Variants in CSGALNACT1 observed in about 807,000 individuals in gnomAD.
The protein encoded by CSGALNACT1 is chondroitin sulfate N-acetylgalactosaminyltransferase 1.
CSGALNACT1 carries 52 observed loss-of-function variants against 51.0 expected under a neutral mutation model. The ratio of observed to expected loss-of-function variants is 1.02; its 90% CI spans 0.82 to 1.29. The LOEUF (loss-of-function observed/expected upper bound fraction) is 1.29. CSGALNACT1 is among the 50% of genes most tolerant of loss of function. The pLI is 0.00. For synonymous variants in CSGALNACT1, 341 were observed against 254.4 expected (o/e 1.34, Z -3.24); for missense variants, 935 against 679.2 (o/e 1.38, Z -4.19).
At chr8:19,622,113 G>A (rs566112897) in intron 1 of CSGALNACT1, among the ~76,000 whole-genome samples, 12 of 152,240 alleles carry the variant, frequency 7.9e-5, no homozygotes, top group East Asian at 1.9e-4. Context: ...AGTGGAACAC[G>A]GTTATGTAAT....
chr8:19,428,145 T>C (rs185340333), intron 6 of CSGALNACT1, among the ~76,000 whole-genome samples: 7 of 152,212 alleles, frequency 4.6e-5, no homozygotes, highest in Non-Finnish European at 1.0e-4. Context: ...TCCCAGCTCC[T>C]GTCTTGCCCT....
At chr8:19,691,997 A>T (rs1020355700) in intron 1 of CSGALNACT1, among the ~76,000 whole-genome samples, 3 of 152,216 alleles carry the variant, frequency 2.0e-5, no homozygotes, top group Non-Finnish European at 2.9e-5. Flanking sequence ...GGAAGCTTAG[A>T]ATCATGGCAG....
chr8:19,502,445 T>C (rs2076580998), intron 4 of CSGALNACT1, among the ~76,000 whole-genome samples: 1 of 152,216 alleles, frequency 6.6e-6, no homozygotes, highest in Admixed American at 6.5e-5. Context: ...TAGCCTGAAG[T>C]GTTACATAAC....
At chr8:19,467,389 G>A (rs917117987) in intron 4 of CSGALNACT1, among the ~76,000 whole-genome samples, 6 of 151,962 alleles carry the variant, frequency 3.9e-5, no homozygotes, top group African/African-American at 1.2e-4. Context: ...CCAAAGTGCT[G>A]GGATTACAGG....
intron 1 of CSGALNACT1, among the ~76,000 whole-genome samples, chr8:19,651,935 G>C (rs779134868): frequency 7.5e-5 from 10 of 132,540 alleles, no homozygotes; most frequent in Admixed American, 7.5e-5. Flanking sequence ...GTTTTGTTTT[G>C]TTTTGACTTT....
chr8:19,491,541 C>T (rs1027222264), intron 4 of CSGALNACT1, among the ~76,000 whole-genome samples: 4 of 152,068 alleles, frequency 2.6e-5, no homozygotes, highest in Non-Finnish European at 5.9e-5. Flanking sequence ...TGTGAAAATT[C>T]GTATTTTACA....
chr8:19,467,654 T>C (rs1228497767), intron 4 of CSGALNACT1, among the ~76,000 whole-genome samples: 1 of 151,988 alleles, frequency 6.6e-6, no homozygotes, highest in Non-Finnish European at 1.5e-5. Context: ...TTTTTTCGCA[T>C]GGCTAATATT....
At chr8:19,548,912 A>C (rs1156548205) in intron 3 of CSGALNACT1, among the ~76,000 whole-genome samples, 1 of 152,130 alleles carries the variant, frequency 6.6e-6, no homozygotes, top group Non-Finnish European at 1.5e-5. Flanking sequence ...CCCGCCTCCC[A>C]GGCTCAAACG....
intron 2 of CSGALNACT1, among the ~76,000 whole-genome samples, chr8:19,597,055 G>C: frequency 6.6e-6 from 1 of 152,018 alleles, no homozygotes. Flanking sequence ...CTATAAATGT[G>C]ACCACTCTAG....
Position 19,753,116 on chromosome 8 carries a change from C to G in CSGALNACT1, c.-297+4734G>C, listed in dbSNP as rs1409491517. On this transcript the variant is annotated intron_variant, in intron 1 of 1. Coordinates refer to the CSGALNACT1 transcript ENST00000517494. Reference sequence around the variant, plus strand: ...AAGATGAAGGAGAGGCAGGGAGACACCATGGCCTTTGCTAGCTGGGGGTTT... The same window carrying G: ...AAGATGAAGGAGAGGCAGGGAGACAGCATGGCCTTTGCTAGCTGGGGGTTT... Among the ~76,000 whole-genome samples the G allele has an allele frequency of 1.3e-5, 2 of 152,128 alleles. 1 individual carries two copies. Among genetic ancestry groups the G allele is most frequent in the Non-Finnish European group, 2.9e-5 (2 of 68,024 alleles).
intron 3 of CSGALNACT1, among the ~76,000 whole-genome samples, chr8:19,531,427 C>A (rs2154055265): frequency 6.6e-6 from 1 of 152,252 alleles, no homozygotes; most frequent in East Asian, 1.9e-4. Context: ...CCAGCTCAGT[C>A]CTAGCTGGAG....
chr8:19,444,847 T>G (rs1290077288), intron 5 of CSGALNACT1, among the ~76,000 whole-genome samples: 2 of 152,058 alleles, frequency 1.3e-5, no homozygotes, highest in Admixed American at 6.6e-5. Flanking sequence ...GCAAATGCTG[T>G]GGGGTGGAAT....
At chr8:19,404,263 T>C (rs1429993177) in exon 10 of CSGALNACT1, 1 of 442,944 alleles carries the variant, frequency 2.3e-6, no homozygotes, top group East Asian at 7.0e-5. Context: ...ATCAATACAA[T>C]GCATTTTTTA....
chr8:19,491,297 C>G (rs2074308547), intron 4 of CSGALNACT1, among the ~76,000 whole-genome samples: 1 of 152,112 alleles, frequency 6.6e-6, no homozygotes, highest in South Asian at 2.1e-4. Flanking sequence ...TATTGTTAGA[C>G]AACTAATTGC....
chr8:19,409,485 A>G, intron 8 of CSGALNACT1, among the ~76,000 whole-genome samples: 1 of 75,384 alleles, frequency 1.3e-5, no homozygotes, highest in South Asian at 6.9e-4. Context: ...CTGCATGTGT[A>G]CATATATATA....
At chr8:19,687,508 T>C (rs1473494034), upstream of CSGALNACT1, among the ~76,000 whole-genome samples, 1 of 152,168 alleles carries the variant, frequency 6.6e-6, no homozygotes, top group African/African-American at 2.4e-5. Context: ...TTAACTAAAA[T>C]GGAAGTTCTT....
intron 8 of CSGALNACT1, among the ~76,000 whole-genome samples, chr8:19,413,782 G>C (rs2056350068): frequency 6.6e-6 from 1 of 152,164 alleles, no homozygotes; most frequent in South Asian, 2.1e-4. Context: ...GTGCATGTCG[G>C]ATGCCGTGGG....
At position 19,429,018 on chromosome 8, in the gene CSGALNACT1, C is replaced by T. The variant is rs566755717; in HGVS notation, c.954-8500G>A. On this transcript the variant is annotated intron_variant, in intron 6 of 9. Transcript: ENST00000454498. Reference sequence around the variant, plus strand: ...CCTCTTTCTAGTTACAAAATGTTTTCATCACCCCAAAAGGAAATCCTATAC... The same window carrying T: ...CCTCTTTCTAGTTACAAAATGTTTTTATCACCCCAAAAGGAAATCCTATAC... 1.4e-4 allele frequency among the ~76,000 whole-genome samples: 22 copies of T among 152,208 alleles called. No homozygotes were observed. In the South Asian group the frequency reaches 4.1e-3, roughly 29 times the overall value.
intron 6 of CSGALNACT1, among the ~76,000 whole-genome samples, chr8:19,435,997 G>A (rs1041641688): frequency 6.6e-6 from 1 of 151,966 alleles, no homozygotes; most frequent in South Asian, 2.1e-4. Flanking sequence ...TTTAAAAATT[G>A]GACATAAGCC....
Sources: allele counts gnomAD v4.1 joint callset (sites outside exome capture counted in the v4.1 genomes callset), GRCh38; gene constraint gnomAD v4.1.1; transcripts MANE v1.5; gene names NCBI Gene and HGNC (gene_info 2026-07-23, HGNC 2026-07-21).